The following C17orf107 variants were observed in gnomAD, a reference collection of about 807,000 sequenced individuals.
The protein encoded by C17orf107 is chromosome 17 open reading frame 107.
In C17orf107, 9 loss-of-function variants were observed where a neutral mutation model predicts 8.9. The observed-to-expected ratio is 1.02, with a 90% CI of 0.61 to 1.77. The LOEUF is 1.77. Ranked by LOEUF, C17orf107 falls within the 40% of genes most tolerant of loss-of-function variation. The pLI is 0.00. For missense variants in C17orf107, 281 were observed against 249.0 expected (o/e 1.13, Z -0.86); for synonymous variants, 139 against 120.3 (o/e 1.16, Z -1.02).
Position 4,902,535 on chromosome 17 carries a change from G to A in C17orf107, c.*2002G>A. The A allele has an allele frequency of 1.2e-6, 2 of 1,614,088 alleles. No homozygotes were observed. The highest frequency in any genetic ancestry group is 1.7e-6 in the Non-Finnish European group (2 of 1,179,974). On this transcript the variant is annotated 3_prime_UTR_variant, in exon 3 of 3. Coordinates refer to ENST00000381365, the MANE Select transcript of C17orf107 (RefSeq NM_001145536.2). This position sits in a 1 kb window ranked among gnomAD's most constrained non-coding sequence, Gnocchi z 4.0. Reference sequence around the variant, plus strand: ...GGGGATGATTGAAGTGAGATTTCAGGGCCAGAAGTGAGCTTTAGGACAGAG... The same window carrying A: ...GGGGATGATTGAAGTGAGATTTCAGAGCCAGAAGTGAGCTTTAGGACAGAG...
rs1969934614 is a variant in C17orf107 at position 4,900,252 on chromosome 17, C to G, written c.292C>G (p.Leu98Val). The G allele has an allele frequency of 1.9e-6, 3 of 1,546,986 alleles. No homozygotes were observed. The South Asian group carries it at 3.6e-5, about 18-fold the overall frequency. Reference sequence around the variant, plus strand: ...CCCAATGCAGATCTCAGCCCTGTGGCTGCAGCAGGAGGCGCGGCGACTAGA... The same window carrying G: ...CCCAATGCAGATCTCAGCCCTGTGGGTGCAGCAGGAGGCGCGGCGACTAGA... ...TTLLEISALW[L>V]QQEARRLDGS... is the part of the protein sequence containing the mutation. Residue 98 changes from leucine (L) to valine (V), a missense_variant, in exon 3 of 3, where the codon CTG (leucine) becomes GTG (valine). Leu to Val is a conservative substitution (Grantham distance 32, BLOSUM62 1). Coordinates refer to ENST00000381365, the MANE Select transcript of C17orf107 (RefSeq NM_001145536.2).
chr17:4,905,343 G>A (rs983845727), downstream of C17orf107, among the ~76,000 whole-genome samples: 3 of 152,106 alleles, frequency 2.0e-5, no homozygotes, highest in East Asian at 3.9e-4. Flanking sequence ...GAGCCCAGGA[G>A]TTCAAGACCA....
chr17:4,900,425 G>A lies in C17orf107; in HGVS notation c.465G>A (p.Leu155=), dbSNP rs1282949875. The A allele has an allele frequency of 6.4e-7, 1 of 1,551,046 alleles. No individual in the cohort carries two copies. The highest frequency in any genetic ancestry group is 8.7e-7 in the Non-Finnish European group (1 of 1,146,968). Residue 155 remains leucine (L), a synonymous_variant, in exon 3 of 3, where the codon CTG becomes CTA. Coordinates refer to ENST00000381365, the MANE Select transcript of C17orf107 (RefSeq NM_001145536.2). ...RLLVQGAWLC[L]CGRGLQGSAS... is the part of the protein sequence containing the mutation. ...TAGTCCAGGGAGCATGGCTATGCCT[G>A]TGTGGACGGGGTCTGCAGGGGTCTG...
chr17:4,902,431 T>C lies in C17orf107; in HGVS notation c.*1898T>C, dbSNP rs1202514635. 1 of 1,614,014 alleles carries C rather than the reference T, an allele frequency of 6.2e-7. No individual in the cohort carries two copies. Among genetic ancestry groups the C allele is most frequent in the Non-Finnish European group, 8.5e-7 (1 of 1,180,002 alleles). On this transcript the variant is annotated 3_prime_UTR_variant, in exon 3 of 3. Transcript: ENST00000381365. The surrounding 1 kb of genome is among the most constrained non-coding windows in gnomAD (Gnocchi z 4.0). The stretch of plus-strand genomic sequence containing the variant: ...GTGCCCTGGACAAGACCTCACACCA[T>C]TCCCCAGATTTGACTCACGATTCCA...
In C17orf107 at chr17:4,900,546, G is replaced by A. The variant is rs1487083879; in HGVS notation, c.*13G>A. On this transcript the variant is annotated 3_prime_UTR_variant, in exon 3 of 3. Transcript: ENST00000381365. ...CGGGGTGAGTTAGGGGCCAGAGGCGGCGGGGCTAGGGAGGCACTGAGCCGG... is the reference window on the plus strand; with the variant it reads ...CGGGGTGAGTTAGGGGCCAGAGGCGACGGGGCTAGGGAGGCACTGAGCCGG... 7 of 1,550,418 alleles carry A rather than the reference G, an allele frequency of 4.5e-6. No homozygotes were observed. In the East Asian group the frequency reaches 1.5e-4, roughly 32 times the overall value.
At chr17:4,904,369 T>C (rs1431709407), downstream of C17orf107, among the ~76,000 whole-genome samples, 1 of 152,060 alleles carries the variant, frequency 6.6e-6, no homozygotes, top group Non-Finnish European at 1.5e-5. Flanking sequence ...GGCCTCAGTG[T>C]TTTTTAAAGC....
chr17:4,903,654 C>A (rs1970048728), downstream of C17orf107, among the ~76,000 whole-genome samples: 1 of 152,090 alleles, frequency 6.6e-6, no homozygotes, highest in Non-Finnish European at 1.5e-5. Context: ...ATGTAAAGGA[C>A]CCACCTCCTT....
At position 4,900,805 on chromosome 17, in the gene C17orf107, G is replaced by C. The variant is rs370019023; in HGVS notation, c.*272G>C. ...GCTCCGGCTTCACCTGCCCAGGAGC[G>C]GCACGCTCAGAGAAGTCTCTGGGAT... On this transcript the variant is annotated 3_prime_UTR_variant, in exon 3 of 3. Transcript: ENST00000381365. The C allele has an allele frequency of 1.1e-5, 17 of 1,613,696 alleles. No individual in the cohort carries two copies. Among genetic ancestry groups the C allele is most frequent in the Non-Finnish European group, 1.4e-5 (16 of 1,179,826 alleles).
At position 4,901,329 on chromosome 17, in the gene C17orf107, C is replaced by A; in HGVS notation, c.*796C>A. The A allele has an allele frequency of 9.7e-7, 1 of 1,029,606 alleles. No individual in the cohort carries two copies. The allele number at this position is 1,029,606 out of a possible 1,614,324, so 63.8% of individuals were successfully genotyped here. ...GGGGGCAATTACGGACAGAAAAGGG[C>A]ATTCTCGTTGAGGGTATGGAAAGCC... On this transcript the variant is annotated 3_prime_UTR_variant, in exon 3 of 3. Coordinates refer to ENST00000381365, the MANE Select transcript of C17orf107 (RefSeq NM_001145536.2).
At position 4,902,239 on chromosome 17, in the gene C17orf107, G is replaced by A; in HGVS notation, c.*1706G>A. The A allele has an allele frequency of 6.2e-7, 1 of 1,614,062 alleles. No individual in the cohort carries two copies. Among genetic ancestry groups the A allele is most frequent in the South Asian group, 1.1e-5 (1 of 91,074 alleles). On this transcript the variant is annotated 3_prime_UTR_variant, in exon 3 of 3. Transcript: ENST00000381365. This position sits in a 1 kb window ranked among gnomAD's most constrained non-coding sequence, Gnocchi z 4.0. ...CACTTGTTTTCCAGCACAATCTCTG[G>A]CAGCCACACGAGTTCTGAAGGGACT... is the stretch of plus-strand genomic sequence containing the variant.
Position 4,901,892 on chromosome 17 carries a change from C to T in C17orf107, c.*1359C>T, listed in dbSNP as rs200473812. The T allele has an allele frequency of 1.6e-3, 2,512 of 1,606,670 alleles. 15 individuals are homozygous for T. The highest frequency in any genetic ancestry group is 1.4e-3 in the Non-Finnish European group (1,696 of 1,176,188). ...TGGCCCCGCCCCATAAGGCCCCCCCCCAACAATAATCGTCCGGGCCTCGGA... is the reference window on the plus strand; with the variant it reads ...TGGCCCCGCCCCATAAGGCCCCCCCTCAACAATAATCGTCCGGGCCTCGGA... On this transcript the variant is annotated 3_prime_UTR_variant, in exon 3 of 3. Coordinates refer to ENST00000381365, the MANE Select transcript of C17orf107 (RefSeq NM_001145536.2).
downstream of C17orf107, among the ~76,000 whole-genome samples, chr17:4,904,472 G>A (rs1273290539): frequency 2.0e-5 from 3 of 152,136 alleles, no homozygotes; most frequent in Non-Finnish European, 4.4e-5. Flanking sequence ...TCGGGACTAG[G>A]GTGCCAGGAA....
At chr17:4,906,643 G>T (rs1248609927), downstream of C17orf107, among the ~76,000 whole-genome samples, 1 of 152,024 alleles carries the variant, frequency 6.6e-6, no homozygotes, top group Non-Finnish European at 1.5e-5. Context: ...GCTTGAGCCT[G>T]GGAGTTCAAG....
rs201470386 is a variant in C17orf107, at chr17:4,901,893, C to A, written c.*1360C>A. ...GGCCCCGCCCCATAAGGCCCCCCCC[C>A]AACAATAATCGTCCGGGCCTCGGAG... is the stretch of plus-strand genomic sequence containing the variant. On this transcript the variant is annotated 3_prime_UTR_variant, in exon 3 of 3. Transcript: ENST00000381365. 1.6e-5 allele frequency: 26 copies of A among 1,607,492 alleles called. No homozygotes were observed. The highest frequency in any genetic ancestry group is 9.5e-5 in the African/African-American group (7 of 73,884).
chr17:4,899,592 C>G lies in C17orf107; in HGVS notation c.-171C>G, dbSNP rs1597615614. The stretch of plus-strand genomic sequence containing the variant: ...GACGAAAATAAGGAACCTGAGGAGC[C>G]CGGAAGGCATGACATCACCGTTCCT... On this transcript the variant is annotated 5_prime_UTR_variant, in exon 1 of 3. Transcript: ENST00000381365. 7 of 1,558,942 alleles carry G rather than the reference C, an allele frequency of 4.5e-6. No homozygotes were observed. Among genetic ancestry groups the G allele is most frequent in the Middle Eastern group, 1.9e-4 (1 of 5,390 alleles).
Position 4,902,565 on chromosome 17 carries a change from G to A in C17orf107, c.*2032G>A. The A allele has an allele frequency of 6.2e-7, 1 of 1,614,138 alleles. No individual in the cohort carries two copies. On this transcript the variant is annotated 3_prime_UTR_variant, in exon 3 of 3. Coordinates refer to ENST00000381365, the MANE Select transcript of C17orf107 (RefSeq NM_001145536.2). This position sits in a 1 kb window ranked among gnomAD's most constrained non-coding sequence, Gnocchi z 4.0. ...GAAGTGAGCTTTAGGACAGAGCTCAGCGGTTGGGGCCAGAAGTGGGATTTT... is the reference window on the plus strand; with the variant it reads ...GAAGTGAGCTTTAGGACAGAGCTCAACGGTTGGGGCCAGAAGTGGGATTTT...
In C17orf107 at chr17:4,899,787, G is replaced by A. The variant is rs951324756; in HGVS notation, c.25G>A (p.Asp9Asn). 1.3e-6 allele frequency: 2 copies of A among 1,551,138 alleles called. No individual in the cohort carries two copies. Among genetic ancestry groups the A allele is most frequent in the African/African-American group, 2.7e-5 (2 of 73,028 alleles). The change falls in exon 1 of 3, where the codon GAC becomes AAC. Residue 9 changes from aspartate (D) to asparagine (N), a missense_variant. Transcript: ENST00000381365. MKGTPSSL[D>N]TLMWIYHFHS... Reference sequence around the variant, plus strand: ...CATGAAGGGGACCCCCAGCTCCCTGGACACCCTGATGTGGATCTACCACTT... The same window carrying A: ...CATGAAGGGGACCCCCAGCTCCCTGAACACCCTGATGTGGATCTACCACTT...
At position 4,900,721 on chromosome 17, in the gene C17orf107, C is replaced by T. The variant is rs55735639; in HGVS notation, c.*188C>T. 0.012 allele frequency: 18,206 copies of T among 1,509,042 alleles called. 130 individuals carry two copies. The highest frequency in any genetic ancestry group is 0.021 in the Middle Eastern group (109 of 5,164). The allele number at this position is 1,509,042 out of a possible 1,614,324, so 93.5% of individuals were successfully genotyped here. A position where few individuals can be genotyped will look rare whatever the true frequency, so the allele number is the denominator to read the frequency against. On this transcript the variant is annotated 3_prime_UTR_variant, in exon 3 of 3. Coordinates refer to ENST00000381365, the MANE Select transcript of C17orf107 (RefSeq NM_001145536.2). ...GGGGCGAGACAGCCAGAGCTTTTCC[C>T]GGGGTCTCTGGGTTTTGGCCACGCC...
downstream of C17orf107, chr17:4,902,986 T>A (rs977608526): frequency 3.7e-6 from 6 of 1,613,748 alleles, no homozygotes; most frequent in African/African-American, 8.0e-5. The surrounding 1 kb of genome is among the most constrained non-coding windows in gnomAD (Gnocchi z 4.0). Context: ...TATCTGTGTG[T>A]GTCCAATTGC....
Sources: allele counts gnomAD v4.1 joint callset (sites outside exome capture counted in the v4.1 genomes callset), GRCh38; gene constraint gnomAD v4.1.1; non-coding constraint Gnocchi (gnomAD v3.1); transcripts MANE v1.5; gene names NCBI Gene and HGNC (gene_info 2026-07-23, HGNC 2026-07-21).